Variants in HEXIM1 observed in about 807,000 individuals in gnomAD.
HEXIM1 encodes protein HEXIM1.
In HEXIM1, 1 loss-of-function variant was observed where a neutral mutation model predicts 30.3. The ratio of observed to expected loss-of-function variants is 0.03; its 90% CI spans 0.01 to 0.16. HEXIM1 has a LOEUF of 0.16. Ranked by LOEUF, HEXIM1 falls within the 10% of genes least tolerant of loss-of-function variation. The pLI is 1.00. For synonymous variants in HEXIM1, 245 were observed against 208.3 expected (o/e 1.18, Z -1.52); for missense variants, 391 against 476.4 (o/e 0.82, Z 1.67).
At position 45,150,541 on chromosome 17, in the gene HEXIM1, T is replaced by C. The variant is rs1242381051; in HGVS notation, c.*271T>C. On this transcript the variant is annotated 3_prime_UTR_variant, in exon 1 of 1. Coordinates refer to ENST00000332499, the MANE Select transcript of HEXIM1 (RefSeq NM_006460.3). ...TGAAAGTAATTTGACCAAGTTATAA[T>C]GCATTTTTGTTTTTAACAAATCCCC... The C allele has an allele frequency of 1.9e-5, 8 of 417,100 alleles. No homozygotes were observed. Among genetic ancestry groups the C allele is most frequent in the Non-Finnish European group, 3.5e-5 (8 of 226,814 alleles). The allele number at this position is 417,100 out of a possible 1,614,324, so 25.8% of individuals were successfully genotyped here.
chr17:45,149,661 G>A lies in HEXIM1; in HGVS notation c.471G>A (p.Pro157=), dbSNP rs1396985950. The A allele has an allele frequency of 4.3e-6, 7 of 1,612,276 alleles. No individual in the cohort carries two copies. The African/African-American group carries it at 6.7e-5, about 15-fold the overall frequency. ...QLGKKKHRRR[P]SKKKRHWKPY... Reference sequence around the variant, plus strand: ...GGAAGAAAAAACATAGGAGACGCCCGTCCAAGAAGAAGCGGCATTGGAAAC... The same window carrying A: ...GGAAGAAAAAACATAGGAGACGCCCATCCAAGAAGAAGCGGCATTGGAAAC... Residue 157 remains proline, a synonymous_variant, in exon 1 of 1, where the codon CCG becomes CCA. Coordinates refer to ENST00000332499, the MANE Select transcript of HEXIM1 (RefSeq NM_006460.3). This position sits in a 1 kb window ranked among gnomAD's most constrained non-coding sequence, Gnocchi z 5.3.
Position 45,149,009 on chromosome 17 carries a change from A to G in HEXIM1, c.-182A>G, listed in dbSNP as rs2144012230. On this transcript the variant is annotated 5_prime_UTR_variant, in exon 1 of 1. Coordinates refer to ENST00000332499, the MANE Select transcript of HEXIM1 (RefSeq NM_006460.3). The surrounding 1 kb of genome is among the most constrained non-coding windows in gnomAD (Gnocchi z 5.3). ...AACCCTTTACTGACTTGAGCTCCCC[A>G]GATTGCAGTTGGAGTTTGCTGATAG... 1 of 620,488 alleles carries G rather than the reference A, an allele frequency of 1.6e-6. No individual in the cohort carries two copies. The highest frequency in any genetic ancestry group is 2.3e-5 in the South Asian group (1 of 42,848). 38.4% of individuals were successfully genotyped at this position (620,488 alleles called of 1,614,324 possible). A position where few individuals can be genotyped will look rare whatever the true frequency, so the allele number is the denominator to read the frequency against.
Position 45,150,135 on chromosome 17 carries a change from G to A in HEXIM1, c.945G>A (p.Leu315=). The A allele has an allele frequency of 6.2e-7, 1 of 1,613,656 alleles. No homozygotes were observed. The highest frequency in any genetic ancestry group is 8.5e-7 in the Non-Finnish European group (1 of 1,180,042). The change falls in exon 1 of 1, where the codon CTG becomes CTA. Residue 315 remains leucine, a synonymous_variant. Transcript: ENST00000332499. The stretch of plus-strand genomic sequence containing the variant: ...GGCTGCGGCTGGAGAGCAAGCGGCT[G>A]GGTGGCGACGACGCGCGTGTGCGGG... The part of the protein sequence containing the change: ...NNRLRLESKR[L]GGDDARVREL...
Position 45,150,571 on chromosome 17 carries a change from T to C in HEXIM1, c.*301T>C. ...TTTTGTTTTTAACAAATCCCCTCCT[T>C]AAACGGAGCTATAAGGTGGCCAAAT... is the stretch of plus-strand genomic sequence containing the variant. On this transcript the variant is annotated 3_prime_UTR_variant, in exon 1 of 1. Transcript: ENST00000332499. 1 of 330,930 alleles carries C rather than the reference T, an allele frequency of 3.0e-6. No individual in the cohort carries two copies. The highest frequency in any genetic ancestry group is 4.5e-5 in the Admixed American group (1 of 22,106). The allele number at this position is 330,930 out of a possible 1,614,324, so 20.5% of individuals were successfully genotyped here.
At position 45,150,453 on chromosome 17, in the gene HEXIM1, A is replaced by G. The variant is rs1415465020; in HGVS notation, c.*183A>G. 2 of 620,542 alleles carry G rather than the reference A, an allele frequency of 3.2e-6. No individual in the cohort carries two copies. Among genetic ancestry groups the G allele is most frequent in the Admixed American group, 3.5e-5 (1 of 28,484 alleles). 38.4% of individuals were successfully genotyped at this position (620,542 alleles called of 1,614,324 possible). A position where few individuals can be genotyped will look rare whatever the true frequency, so the allele number is the denominator to read the frequency against. On this transcript the variant is annotated 3_prime_UTR_variant, in exon 1 of 1. Transcript: ENST00000332499. ...CTTGCGTGCTTTCTCCTGTTCTTTTAATTATGTGAAACTGAAGAGTTGCTT... is the reference window on the plus strand; with the variant it reads ...CTTGCGTGCTTTCTCCTGTTCTTTTGATTATGTGAAACTGAAGAGTTGCTT...
At position 45,150,421 on chromosome 17, in the gene HEXIM1, T is replaced by C; in HGVS notation, c.*151T>C. ...GGCTTTGGTTTCGTAAATTTAGCTATATGTAGCTTGCGTGCTTTCTCCTGT... is the reference window on the plus strand; with the variant it reads ...GGCTTTGGTTTCGTAAATTTAGCTACATGTAGCTTGCGTGCTTTCTCCTGT... On this transcript the variant is annotated 3_prime_UTR_variant, in exon 1 of 1. Transcript: ENST00000332499. The C allele has an allele frequency of 1.3e-6, 1 of 796,232 alleles. No individual in the cohort carries two copies. Among genetic ancestry groups the C allele is most frequent in the Non-Finnish European group, 2.0e-6 (1 of 506,634 alleles). 49.3% of individuals were successfully genotyped at this position (796,232 alleles called of 1,614,324 possible). A position where few individuals can be genotyped will look rare whatever the true frequency, so the allele number is the denominator to read the frequency against.
In HEXIM1 at chr17:45,150,009, G is replaced by A. The variant is rs991827235; in HGVS notation, c.819G>A (p.Arg273=). ...GGGACTTCTCGGAGACGTACGAGCGGTACCACACGGAGAGCCTGCAGAACA... is the reference window on the plus strand; with the variant it reads ...GGGACTTCTCGGAGACGTACGAGCGATACCACACGGAGAGCCTGCAGAACA... ...LQRDFSETYE[R]YHTESLQNMS... is the part of the protein sequence containing the mutation. The change falls in exon 1 of 1, where the codon CGG becomes CGA. Residue 273 remains arginine, a synonymous_variant. Coordinates refer to ENST00000332499, the MANE Select transcript of HEXIM1 (RefSeq NM_006460.3). 1.2e-6 allele frequency: 2 copies of A among 1,613,986 alleles called. No homozygotes were observed. Among genetic ancestry groups the A allele is most frequent in the African/African-American group, 2.7e-5 (2 of 74,930 alleles).
chr17:45,149,994 G>A lies in HEXIM1; in HGVS notation c.804G>A (p.Ser268=), dbSNP rs2055534881. Residue 268 remains serine (S), a synonymous_variant, in exon 1 of 1, where the codon TCG becomes TCA. Coordinates refer to ENST00000332499, the MANE Select transcript of HEXIM1 (RefSeq NM_006460.3). The surrounding 1 kb of genome is among the most constrained non-coding windows in gnomAD (Gnocchi z 5.3). The part of the protein sequence containing the change: ...DGSEFLQRDF[S]ETYERYHTES... ...GCGAGTTTCTGCAGCGGGACTTCTCGGAGACGTACGAGCGGTACCACACGG... is the reference window on the plus strand; with the variant it reads ...GCGAGTTTCTGCAGCGGGACTTCTCAGAGACGTACGAGCGGTACCACACGG... 1 of 1,613,978 alleles carries A rather than the reference G, an allele frequency of 6.2e-7. No homozygotes were observed. The highest frequency in any genetic ancestry group is 1.1e-5 in the South Asian group (1 of 91,088).
In HEXIM1 at chr17:45,149,562, C is replaced by T. The variant is rs377233768; in HGVS notation, c.372C>T (p.Asp124=). 5.7e-5 allele frequency: 91 copies of T among 1,608,066 alleles called. 3 individuals carry two copies. The East Asian group carries it at 1.0e-3, about 18-fold the overall frequency. The change falls in exon 1 of 1, where the codon GAC becomes GAT. Residue 124 remains aspartate (D), a synonymous_variant. Transcript: ENST00000332499. The surrounding 1 kb of genome is among the most constrained non-coding windows in gnomAD (Gnocchi z 5.3). ...EAELLAQPCH[D]SEASKLGAPA... is the part of the protein sequence containing the mutation. Reference sequence around the variant, plus strand: ...AGCTGCTCGCCCAGCCTTGTCATGACTCCGAGGCCAGTAAGTTGGGGGCTC... The same window carrying T: ...AGCTGCTCGCCCAGCCTTGTCATGATTCCGAGGCCAGTAAGTTGGGGGCTC...
Position 45,148,529 on chromosome 17 carries a change from G to A in HEXIM1, c.-662G>A, listed in dbSNP as rs2055520630. The stretch of plus-strand genomic sequence containing the variant: ...AGGTTGGGAGGGAAAGTCGGGGGAG[G>A]ACGCGGAAGAGGAGCTGTGGGAAGG... On this transcript the variant is annotated 5_prime_UTR_variant, in exon 1 of 1. Coordinates refer to ENST00000332499, the MANE Select transcript of HEXIM1 (RefSeq NM_006460.3). The A allele has an allele frequency of 5.2e-6, 2 of 385,812 alleles. No individual in the cohort carries two copies. The highest frequency in any genetic ancestry group is 2.6e-4 in the South Asian group (2 of 7,798). 23.9% of individuals were successfully genotyped at this position (385,812 alleles called of 1,614,324 possible). A position where few individuals can be genotyped will look rare whatever the true frequency, so the allele number is the denominator to read the frequency against.
chr17:45,149,391 G>A lies in HEXIM1; in HGVS notation c.201G>A (p.Leu67=), dbSNP rs1439681218. ...CGGGGCCGGAGGGGGAAGGGAGCCTGGAATCCCAACCACCTCCCTTGCAGA... is the reference window on the plus strand; with the variant it reads ...CGGGGCCGGAGGGGGAAGGGAGCCTAGAATCCCAACCACCTCCCTTGCAGA... ...GRPGPEGEGS[L]ESQPPPLQTQ... The change falls in exon 1 of 1, where the codon CTG becomes CTA. Residue 67 remains leucine (L), a synonymous_variant. Coordinates refer to ENST00000332499, the MANE Select transcript of HEXIM1 (RefSeq NM_006460.3). The surrounding 1 kb of genome is among the most constrained non-coding windows in gnomAD (Gnocchi z 5.3). The A allele has an allele frequency of 1.2e-6, 2 of 1,613,242 alleles. No homozygotes were observed. Among genetic ancestry groups the A allele is most frequent in the African/African-American group, 1.3e-5 (1 of 74,904 alleles).
rs963175729 is a variant in HEXIM1, at chr17:45,151,022, TAAC to T, written c.*755_*757del. On this transcript the variant is annotated 3_prime_UTR_variant, in exon 1 of 1. Transcript: ENST00000332499. Reference sequence around the variant, plus strand: ...CTGCCTCGGCCATTCAAAAGTCTAATAACAAAAAATGTAAACCTAATTTGGCAG... The same window carrying T: ...CTGCCTCGGCCATTCAAAAGTCTAATAAAAAATGTAAACCTAATTTGGCAG... 1.3e-4 allele frequency: 21 copies of T among 167,102 alleles called. No homozygotes were observed. Among genetic ancestry groups the T allele is most frequent in the African/African-American group, 5.0e-4 (21 of 41,586 alleles). 10.4% of individuals were successfully genotyped at this position (167,102 alleles called of 1,614,324 possible).
rs1265730950 is a variant in HEXIM1 at position 45,149,119 on chromosome 17, T to C, written c.-72T>C. ...GTTTTTTTTTTCTTTTTCTTTTTTT[T>C]AAGAAAAACCCATTTTTTTCCTTAA... On this transcript the variant is annotated 5_prime_UTR_variant, in exon 1 of 1. Coordinates refer to ENST00000332499, the MANE Select transcript of HEXIM1 (RefSeq NM_006460.3). The surrounding 1 kb of genome is among the most constrained non-coding windows in gnomAD (Gnocchi z 5.3). 7.0e-5 allele frequency: 100 copies of C among 1,430,774 alleles called. 1 individual carries two copies. The African/African-American group carries it at 1.2e-3, about 17-fold the overall frequency. 88.6% of individuals were successfully genotyped at this position (1,430,774 alleles called of 1,614,324 possible). A position where few individuals can be genotyped will look rare whatever the true frequency, so the allele number is the denominator to read the frequency against.
rs2055528707 is a variant in HEXIM1, at chr17:45,149,397, C to T, written c.207C>T (p.Ser69=). Residue 69 remains serine (S), a synonymous_variant, in exon 1 of 1, where the codon TCC becomes TCT. Coordinates refer to ENST00000332499, the MANE Select transcript of HEXIM1 (RefSeq NM_006460.3). This position sits in a 1 kb window ranked among gnomAD's most constrained non-coding sequence, Gnocchi z 5.3. ...PGPEGEGSLE[S]QPPPLQTQAC... is the part of the protein sequence containing the mutation. ...CGGAGGGGGAAGGGAGCCTGGAATC[C>T]CAACCACCTCCCTTGCAGACCCAGG... is the stretch of plus-strand genomic sequence containing the variant. 5 of 1,613,210 alleles carry T rather than the reference C, an allele frequency of 3.1e-6. No homozygotes were observed. Among genetic ancestry groups the T allele is most frequent in the Non-Finnish European group, 3.4e-6 (4 of 1,179,936 alleles).
In HEXIM1 at chr17:45,149,630, A is replaced by T. The variant is rs1168673902; in HGVS notation, c.440A>T (p.Gln147Leu). Residue 147 changes from glutamine to leucine, a missense_variant, in exon 1 of 1, where the codon CAG becomes CTG. Transcript: ENST00000332499. The surrounding 1 kb of genome is among the most constrained non-coding windows in gnomAD (Gnocchi z 5.3). ...GAGGAGTGGGGACAGCAGCAGAGAC[A>T]GCTGGGGAAGAAAAAACATAGGAGA... ...GEEEWGQQQRQLGKKKHRRRP... is the reference protein window; with the variant it reads ...GEEEWGQQQRLLGKKKHRRRP... 1 of 1,613,250 alleles carries T rather than the reference A, an allele frequency of 6.2e-7. No individual in the cohort carries two copies. Among genetic ancestry groups the T allele is most frequent in the Admixed American group, 1.7e-5 (1 of 59,974 alleles).
At position 45,150,189 on chromosome 17, in the gene HEXIM1, C is replaced by A; in HGVS notation, c.999C>A (p.Arg333=). 1 of 1,612,976 alleles carries A rather than the reference C, an allele frequency of 6.2e-7. No individual in the cohort carries two copies. Among genetic ancestry groups the A allele is most frequent in the Non-Finnish European group, 8.5e-7 (1 of 1,179,792 alleles). Residue 333 remains arginine, a synonymous_variant, in exon 1 of 1, where the codon CGC becomes CGA. Coordinates refer to ENST00000332499, the MANE Select transcript of HEXIM1 (RefSeq NM_006460.3). ...TGGAGCTGGAGCTGGACCGGCTGCG[C>A]GCCGAGAACCTCCAGCTGCTGACCG... ...RELELELDRL[R]AENLQLLTEN...
Position 45,149,206 on chromosome 17 carries a change from T to C in HEXIM1, c.16T>C (p.Leu6=). The C allele has an allele frequency of 6.2e-6, 10 of 1,612,252 alleles. No individual in the cohort carries two copies. Among genetic ancestry groups the C allele is most frequent in the Non-Finnish European group, 8.5e-6 (10 of 1,179,048 alleles). ...TCTACTAGCCATGGCCGAGCCATTC[T>C]TGTCAGAATATCAACACCAGCCTCA... MAEPF[L]SEYQHQPQTS... Residue 6 remains leucine (L), a synonymous_variant, in exon 1 of 1, where the codon TTG becomes CTG. Transcript: ENST00000332499. The surrounding 1 kb of genome is among the most constrained non-coding windows in gnomAD (Gnocchi z 5.3).
Position 45,150,310 on chromosome 17 carries a change from TAC to T in HEXIM1, c.*42_*43del. ...GGGGGAGGGGGCAAAGGGGACTTTT[TAC>T]AGTGATGGAATGTAACATTATATAC... On this transcript the variant is annotated 3_prime_UTR_variant, in exon 1 of 1. Transcript: ENST00000332499. 1 of 1,591,468 alleles carries T rather than the reference TAC, an allele frequency of 6.3e-7. No homozygotes were observed. The highest frequency in any genetic ancestry group is 1.1e-5 in the South Asian group (1 of 88,590).
chr17:45,150,351 A>G lies in HEXIM1; in HGVS notation c.*81A>G, dbSNP rs1160557077. ...AACATTATATACATGTGTATATAAG[A>G]CAGTGGACCTTTTTATGACACATAA... On this transcript the variant is annotated 3_prime_UTR_variant, in exon 1 of 1. Coordinates refer to ENST00000332499, the MANE Select transcript of HEXIM1 (RefSeq NM_006460.3). 2.0e-6 allele frequency: 3 copies of G among 1,465,936 alleles called. No individual in the cohort carries two copies. The highest frequency in any genetic ancestry group is 2.8e-5 in the African/African-American group (2 of 70,812). The allele number at this position is 1,465,936 out of a possible 1,614,324, so 90.8% of individuals were successfully genotyped here.
Sources: gnomAD v4.1 joint callset for allele counts on GRCh38, gnomAD v4.1.1 for gene constraint, Gnocchi (gnomAD v3.1) non-coding constraint, MANE v1.5 for transcripts, NCBI Gene and HGNC (gene_info 2026-07-23, HGNC 2026-07-21) for gene names.